The following MYO16 variants were observed in gnomAD, a reference collection of about 807,000 sequenced individuals.
MYO16 encodes unconventional myosin-XVI.
MYO16 carries 94 observed loss-of-function variants against 205.3 expected under a neutral mutation model. That is an observed-to-expected ratio of 0.46 (90% CI 0.39 to 0.54). The LOEUF is 0.54. Among genes scored for constraint, MYO16 ranks in the 20% least tolerant of loss-of-function variants. The pLI is 0.00. For missense variants in MYO16, 2,315 were observed against 2,387.5 expected (o/e 0.97, Z 0.63); for synonymous variants, 988 against 954.0 (o/e 1.04, Z -0.66).
intron 28 of MYO16, among the ~76,000 whole-genome samples, chr13:109,103,049 TAC>T (rs1479247692): frequency 1.3e-5 from 2 of 152,186 alleles, no homozygotes; most frequent in Non-Finnish European, 2.9e-5. Context: ...ACCTATGATA[TAC>T]TTTATACTAC....
intron 27 of MYO16, among the ~76,000 whole-genome samples, chr13:109,090,041 T>G (rs934225913): frequency 2.0e-5 from 3 of 152,224 alleles, no homozygotes; most frequent in Non-Finnish European, 4.4e-5. Flanking sequence ...ATGTGAAGTG[T>G]CACAATGTCT....
chr13:108,901,017 C>G (rs916520313), intron 15 of MYO16, among the ~76,000 whole-genome samples: 2 of 152,108 alleles, frequency 1.3e-5, no homozygotes, highest in East Asian at 3.9e-4. Context: ...AAATAAGCCC[C>G]GGTCTCCCAC....
intron 28 of MYO16, among the ~76,000 whole-genome samples, chr13:109,112,015 A>G (rs2139739578): frequency 6.6e-6 from 1 of 152,292 alleles, no homozygotes; most frequent in East Asian, 1.9e-4. Flanking sequence ...AAGGGATAGC[A>G]TCTAACCCAA....
chr13:109,015,424 C>CT (rs1885771761), intron 22 of MYO16, among the ~76,000 whole-genome samples: 1 of 151,966 alleles, frequency 6.6e-6, no homozygotes. Context: ...TAAAATTGCC[C>CT]TTTTTTGTTG....
At chr13:109,040,384 A>G (rs1362611094) in intron 23 of MYO16, among the ~76,000 whole-genome samples, 1 of 130,998 alleles carries the variant, frequency 7.6e-6, no homozygotes, top group Non-Finnish European at 1.6e-5. Flanking sequence ...ACACACACAC[A>G]CAGAGAGAGA....
intron 27 of MYO16, among the ~76,000 whole-genome samples, chr13:109,073,682 T>C (rs571846276): frequency 1.6e-4 from 25 of 152,368 alleles, no homozygotes; most frequent in Non-Finnish European, 3.4e-4. Context: ...GAAAATGTTA[T>C]ATACATTGAC....
chr13:109,074,594 C>T (rs1419206156), intron 27 of MYO16, among the ~76,000 whole-genome samples: 2 of 152,040 alleles, frequency 1.3e-5, no homozygotes, highest in Admixed American at 6.5e-5. Flanking sequence ...CCTTAGATCT[C>T]GTGAGAACTC....
intron 23 of MYO16, among the ~76,000 whole-genome samples, chr13:109,045,135 A>G (rs146382956): frequency 1.3e-5 from 2 of 152,326 alleles, no homozygotes; most frequent in Non-Finnish European, 2.9e-5. Flanking sequence ...TGACTTCTCC[A>G]TGGTTTTGCT....
intron 27 of MYO16, among the ~76,000 whole-genome samples, chr13:109,078,155 T>C (rs933593238): frequency 2.0e-5 from 3 of 151,972 alleles, no homozygotes; most frequent in Admixed American, 6.6e-5. Flanking sequence ...TTAGGCTAGG[T>C]GCAGTGGCTC....
At chr13:109,067,721 TAG>T (rs1887797750) in intron 27 of MYO16, among the ~76,000 whole-genome samples, 1 of 152,170 alleles carries the variant, frequency 6.6e-6, no homozygotes, top group Non-Finnish European at 1.5e-5. Context: ...GTTAATTTTG[TAG>T]AGTTTCCTGG....
At chr13:109,165,281 T>G (rs989196306) in intron 33 of MYO16, among the ~76,000 whole-genome samples, 1 of 152,204 alleles carries the variant, frequency 6.6e-6, no homozygotes, top group African/African-American at 2.4e-5. Flanking sequence ...CGAAATTTTA[T>G]GGAGTGTTAA....
chr13:108,856,143 C>G lies in MYO16; in HGVS notation c.1359+590C>G, dbSNP rs1337202696. On this transcript the variant is annotated intron_variant, in intron 11 of 34. Transcript: ENST00000457511. ...CGTTATTTGTATGTTACTTTCCCAG[C>G]ACTGATAACAGTTTAGGCACCTTGT... is the stretch of plus-strand genomic sequence containing the variant. Among the ~76,000 whole-genome samples, 4 of 152,196 alleles carry G rather than the reference C, an allele frequency of 2.6e-5. No individual in the cohort carries two copies. The South Asian group carries it at 8.3e-4, about 32-fold the overall frequency.
At chr13:108,827,815 T>A (rs1424179415) in intron 9 of MYO16, among the ~76,000 whole-genome samples, 1 of 152,198 alleles carries the variant, frequency 6.6e-6, no homozygotes. Flanking sequence ...CAGCTGCTGC[T>A]GAATATGCCC....
the MYO16 span, among the ~76,000 whole-genome samples, chr13:108,545,869 G>A: frequency 2.6e-5 from 4 of 152,108 alleles, no homozygotes; most frequent in Non-Finnish European, 5.9e-5. Context: ...TGTGTGCTTG[G>A]ACAACCTCTC....
chr13:108,971,428 TATCA>T (rs1462900340), intron 20 of MYO16, among the ~76,000 whole-genome samples: 1 of 150,592 alleles, frequency 6.6e-6, no homozygotes, highest in African/African-American at 2.4e-5. Context: ...TCTATCTATC[TATCA>T]GTCATCTCTC....
chr13:108,833,634 G>T (rs975764499), intron 9 of MYO16, among the ~76,000 whole-genome samples: 4 of 151,978 alleles, frequency 2.6e-5, no homozygotes, highest in African/African-American at 9.7e-5. Context: ...GGCGATAATT[G>T]TTGCCTTTGT....
chr13:109,112,656 G>C (rs1014646609), intron 28 of MYO16, among the ~76,000 whole-genome samples: 1 of 152,086 alleles, frequency 6.6e-6, no homozygotes, highest in Non-Finnish European at 1.5e-5. Context: ...TCAGGAGGCT[G>C]AAGCAGGAGA....
chr13:108,798,322 T>G (rs558314618), intron 6 of MYO16, among the ~76,000 whole-genome samples: 1 of 152,300 alleles, frequency 6.6e-6, no homozygotes, highest in Non-Finnish European at 1.5e-5. Flanking sequence ...GTTAAATTGT[T>G]ATGTGCAAAA....
chr13:109,052,284 T>C lies in MYO16; in HGVS notation c.2873-16T>C, dbSNP rs771298428. The C allele has an allele frequency of 3.7e-6, 6 of 1,605,650 alleles. No individual in the cohort carries two copies. The highest frequency in any genetic ancestry group is 5.1e-6 in the Non-Finnish European group (6 of 1,173,126). Reference sequence around the variant, plus strand: ...ATTTTAGTGCCACTTACGATATTCATTTATTTATTTCCTAGCTAGTGAAAA... The same window carrying C: ...ATTTTAGTGCCACTTACGATATTCACTTATTTATTTCCTAGCTAGTGAAAA... On this transcript the variant is annotated splice_polypyrimidine_tract_variant and intron_variant, in intron 24 of 34. Coordinates refer to ENST00000457511, the MANE Select transcript of MYO16 (RefSeq NM_001198950.3).
Sources: allele counts gnomAD v4.1 joint callset (sites outside exome capture counted in the v4.1 genomes callset), GRCh38; gene constraint gnomAD v4.1.1; transcripts MANE v1.5; gene names NCBI Gene and HGNC (gene_info 2026-07-23, HGNC 2026-07-21).